The following ENTPD5 variants were observed in gnomAD, a reference collection of about 807,000 sequenced individuals.
ENTPD5 encodes the protein nucleoside diphosphate phosphatase ENTPD5.
Under a neutral mutation model 60.2 loss-of-function variants are expected in ENTPD5, and 49 were observed. The ratio of observed to expected loss-of-function variants is 0.81; its 90% CI spans 0.65 to 1.03. The LOEUF (loss-of-function observed/expected upper bound fraction) is 1.03. ENTPD5 is among the 50% of genes least tolerant of loss of function. The pLI, the probability that ENTPD5 is intolerant of heterozygous loss-of-function variation, is 0.00. For missense variants in ENTPD5, 480 were observed against 507.6 expected (o/e 0.95, Z 0.52); for synonymous variants, 187 against 185.4 (o/e 1.01, Z -0.07).
intron 1 of ENTPD5, among the ~76,000 whole-genome samples, chr14:74,017,231 T>A (rs552270881): frequency 5.3e-5 from 8 of 151,738 alleles, no homozygotes; most frequent in Non-Finnish European, 1.0e-4. Flanking sequence ...GGCAGGAGAA[T>A]TGCTTGAACC....
rs781344018 is a variant in ENTPD5, at chr14:74,018,168, ACTCT to A, written c.-238+1078_-238+1081del. The stretch of plus-strand genomic sequence containing the variant: ...TGCACTCCAGCCTGGGTGACAGAAG[ACTCT>A]CTCTCAGAAAAAAAAAAAAAAAAGT... On this transcript the variant is annotated intron_variant, in intron 1 of 15. Transcript: ENST00000334696. Among the ~76,000 whole-genome samples the A allele has an allele frequency of 3.8e-4, 56 of 147,630 alleles. No individual in the cohort carries two copies. In the East Asian group the frequency reaches 6.1e-3, roughly 16 times the overall value.
intron 2 of ENTPD5, among the ~76,000 whole-genome samples, chr14:74,015,167 C>T (rs1401099600): frequency 1.3e-5 from 2 of 151,644 alleles, no homozygotes; most frequent in Non-Finnish European, 2.9e-5. Flanking sequence ...TATGTAGAAA[C>T]AAAATCTAAA....
At chr14:73,962,963 T>C (rs2056821302), downstream of ENTPD5, 3 of 1,603,476 alleles carry the variant, frequency 1.9e-6, no homozygotes, top group South Asian at 2.2e-5. Flanking sequence ...TTTTATTTTT[T>C]CTCCAGGAAC....
At chr14:73,999,663 G>A (rs1022214726) in intron 3 of ENTPD5, among the ~76,000 whole-genome samples, 4 of 151,544 alleles carry the variant, frequency 2.6e-5, no homozygotes, top group Non-Finnish European at 4.4e-5. Context: ...GCAGTGGCGC[G>A]TGCCTGTAAT....
downstream of ENTPD5, chr14:73,960,569 G>A (rs2056668970): frequency 9.8e-7 from 1 of 1,025,054 alleles, no homozygotes; most frequent in African/African-American, 1.7e-5. Flanking sequence ...CCTGGCACAG[G>A]TCTAGGTCCT....
At chr14:74,003,375 T>C in intron 3 of ENTPD5, 1 of 648,328 alleles carries the variant, frequency 1.5e-6, no homozygotes, top group Non-Finnish European at 2.7e-6. Flanking sequence ...TTAGCGCCAT[T>C]TTCTTGGAAA....
chr14:73,989,911 G>A (rs1443196869), intron 3 of ENTPD5, among the ~76,000 whole-genome samples: 2 of 151,794 alleles, frequency 1.3e-5, no homozygotes, highest in African/African-American at 4.8e-5. Flanking sequence ...GGAGGCTGAG[G>A]CAGGAGAACC....
At chr14:73,991,063 T>C (rs2058107589) in intron 3 of ENTPD5, among the ~76,000 whole-genome samples, 1 of 152,120 alleles carries the variant, frequency 6.6e-6, no homozygotes, top group Admixed American at 6.6e-5. Flanking sequence ...CACTTGGTAG[T>C]GTTGAATGGA....
downstream of ENTPD5, chr14:73,959,566 A>T: frequency 6.2e-7 from 1 of 1,613,650 alleles, no homozygotes; most frequent in South Asian, 1.1e-5. Context: ...GCAGGGGGAG[A>T]TACAGAAAGG....
intron 3 of ENTPD5, among the ~76,000 whole-genome samples, chr14:74,000,743 ACTC>A (rs1422458244): frequency 1.3e-5 from 2 of 152,056 alleles, no homozygotes; most frequent in Non-Finnish European, 2.9e-5. Context: ...ATGCCACTGC[ACTC>A]CAGCCTGGGC....
chr14:73,986,304 T>A (rs1405431251), intron 5 of ENTPD5: 1 of 154,266 alleles, frequency 6.5e-6, no homozygotes, highest in Non-Finnish European at 1.4e-5. Context: ...TGCTCAAATG[T>A]GAAATATAGT....
chr14:73,999,031 C>A (rs576713994), intron 3 of ENTPD5, among the ~76,000 whole-genome samples: 147 of 152,042 alleles, frequency 9.7e-4, no homozygotes, highest in Non-Finnish European at 1.8e-3. Flanking sequence ...CTTGTCAGGA[C>A]CACTCAATTG....
chr14:74,010,338 T>C (rs2058809005), intron 3 of ENTPD5, among the ~76,000 whole-genome samples: 1 of 152,162 alleles, frequency 6.6e-6, no homozygotes, highest in Non-Finnish European at 1.5e-5. Context: ...GCAGATCACC[T>C]GAGGTCGGGA....
Position 73,964,340 on chromosome 14 carries a change from A to C in ENTPD5, c.*2588T>G, listed in dbSNP as rs1460543992. 6.6e-6 allele frequency: 1 copy of C among 152,252 alleles called. No individual in the cohort carries two copies. The highest frequency in any genetic ancestry group is 1.5e-5 in the Non-Finnish European group (1 of 68,050). 9.4% of individuals were successfully genotyped at this position (152,252 alleles called of 1,614,324 possible). A position where few individuals can be genotyped will look rare whatever the true frequency, so the allele number is the denominator to read the frequency against. ...CTCTTAAGCCCAAAGGGTCTACTGC[A>C]GGCAGGATGGGCGTTACAGAAAAAA... On this transcript the variant is annotated 3_prime_UTR_variant, in exon 16 of 16. Coordinates refer to ENST00000334696, the MANE Select transcript of ENTPD5 (RefSeq NM_001249.5).
intron 13 of ENTPD5, 23 bp downstream of exon 13, chr14:73,972,861 A>T: frequency 6.2e-7 from 1 of 1,613,064 alleles, no homozygotes; most frequent in Non-Finnish European, 8.5e-7. Flanking sequence ...TCCTCTCTGG[A>T]CTGACACCTG....
At position 73,986,003 on chromosome 14, in the gene ENTPD5, C is replaced by G. The variant is rs989483824; in HGVS notation, c.297+811G>C. Among the ~76,000 whole-genome samples, 24 of 146,972 alleles carry G rather than the reference C, an allele frequency of 1.6e-4. 1 individual carries two copies. The highest frequency in any genetic ancestry group is 3.1e-4 in the Non-Finnish European group (21 of 67,424). ...AGAAGAATTGCTTGAACCCGCGAGGCAGAGGTTGTAGTAAGCCGAGATCAG... is the reference window on the plus strand; with the variant it reads ...AGAAGAATTGCTTGAACCCGCGAGGGAGAGGTTGTAGTAAGCCGAGATCAG... On this transcript the variant is annotated intron_variant, in intron 5 of 15. Coordinates refer to ENST00000334696, the MANE Select transcript of ENTPD5 (RefSeq NM_001249.5).
At chr14:73,972,219 A>C (rs1045193614) in intron 13 of ENTPD5, among the ~76,000 whole-genome samples, 7 of 151,948 alleles carry the variant, frequency 4.6e-5, no homozygotes, top group Non-Finnish European at 7.4e-5. Flanking sequence ...TCTATTAAAA[A>C]AAAAATTAGC....
intron 6 of ENTPD5, among the ~76,000 whole-genome samples, chr14:73,979,393 G>C (rs1481983615): frequency 6.6e-6 from 1 of 151,452 alleles, no homozygotes; most frequent in Non-Finnish European, 1.5e-5. Context: ...CTACAGGAGT[G>C]CAAAGACCAT....
In ENTPD5 at chr14:73,966,895, G is replaced by T. The variant is rs778651446; in HGVS notation, c.*33C>A. 1.3e-6 allele frequency: 2 copies of T among 1,545,006 alleles called. No homozygotes were observed. Among genetic ancestry groups the T allele is most frequent in the East Asian group, 4.5e-5 (2 of 44,524 alleles). ...TCTCTCCTCCCCTTAAAAAGGTGTT[G>T]GCAAATGCAGGTCTCCAAGGAAGTA... On this transcript the variant is annotated 3_prime_UTR_variant, in exon 16 of 16. Transcript: ENST00000334696.
Sources: allele counts gnomAD v4.1 joint callset (sites outside exome capture counted in the v4.1 genomes callset), GRCh38; gene constraint gnomAD v4.1.1; transcripts MANE v1.5; gene names NCBI Gene and HGNC (gene_info 2026-07-23, HGNC 2026-07-21).